Variants in FRMD6 observed in about 807,000 individuals in gnomAD.
FRMD6 encodes the protein FERM domain containing 6.
A neutral mutation model predicts 73.2 loss-of-function variants in FRMD6; 37 were observed. The ratio of observed to expected loss-of-function variants is 0.51; its 90% confidence interval spans 0.39 to 0.66. The LOEUF (loss-of-function observed/expected upper bound fraction) is 0.66, where lower values mean the gene tolerates loss of function less well. Among genes scored for constraint, FRMD6 ranks in the 30% least tolerant of loss-of-function variants. FRMD6 has a pLI of 0.00. For missense variants in FRMD6, 714 were observed against 780.5 expected, an observed-to-expected ratio of 0.91 and a Z score of 1.02; for synonymous variants, 273 against 282.2, an observed-to-expected ratio of 0.97 and a Z score of 0.33.
At chr14:51,427,544 A>C in the FRMD6 span, among the ~76,000 whole-genome samples, 3 of 152,216 alleles carry the variant, frequency 2.0e-5, no homozygotes, top group African/African-American at 7.2e-5. Context: ...TGTCATCCCC[A>C]TTTTACTTAT....
chr14:51,725,728 G>C, intron 12 of FRMD6, 51 bp from the exon 13 acceptor site: 1 of 1,262,732 alleles, frequency 7.9e-7, no homozygotes, highest in Non-Finnish European at 1.2e-6. Context: ...ATGGCAAGAG[G>C]TGTGAATAAT....
intron 1 of FRMD6, among the ~76,000 whole-genome samples, chr14:51,536,696 C>G (rs1001142600): frequency 3.9e-5 from 6 of 152,144 alleles, no homozygotes; most frequent in Admixed American, 3.9e-4. Context: ...GGATTACAGG[C>G]GTGAGCCACC....
the FRMD6 span, among the ~76,000 whole-genome samples, chr14:51,477,231 C>G: frequency 1.3e-5 from 2 of 152,126 alleles, no homozygotes; most frequent in Non-Finnish European, 2.9e-5. Flanking sequence ...AGGTTACTAA[C>G]AAGGAAATGA....
At chr14:51,722,231 C>A in intron 12 of FRMD6, 151 bp downstream of exon 12, 1 of 720,210 alleles carries the variant, frequency 1.4e-6, no homozygotes, top group Non-Finnish European at 2.2e-6. Flanking sequence ...TTGTAAACTG[C>A]AGGATCCTGT....
At position 51,570,037 on chromosome 14, in the gene FRMD6, G is replaced by T. The variant is rs567400902; in HGVS notation, c.-209-311G>T. Among the ~76,000 whole-genome samples the T allele has an allele frequency of 1.4e-4, 22 of 152,042 alleles. No homozygotes were observed. In the South Asian group the frequency reaches 2.1e-3, roughly 14 times the overall value. On this transcript the variant is annotated intron_variant, in intron 1 of 14. Coordinates refer to the FRMD6 transcript ENST00000356218. ...TCACCATGTTAGCCAGGATGGTCTC[G>T]ATCTCCTGACCTCGTGATCTGCCCA...
At chr14:51,420,740 T>G in the FRMD6 span, among the ~76,000 whole-genome samples, 1 of 152,206 alleles carries the variant, frequency 6.6e-6, no homozygotes, top group Non-Finnish European at 1.5e-5. Context: ...AAGGGTGATG[T>G]GTGTAGGTTA....
At chr14:51,447,631 C>T in the FRMD6 span, among the ~76,000 whole-genome samples, 9 of 152,294 alleles carry the variant, frequency 5.9e-5, no homozygotes, top group East Asian at 9.7e-4. Context: ...ATTGGCGTCT[C>T]GCCTACAGCC....
At chr14:51,418,856 T>A in the FRMD6 span, among the ~76,000 whole-genome samples, 1 of 152,228 alleles carries the variant, frequency 6.6e-6, no homozygotes, top group African/African-American at 2.4e-5. Context: ...CCATGGCCAC[T>A]TTGTTTACCT....
At chr14:51,646,849 C>T (rs553195190) in intron 2 of FRMD6, among the ~76,000 whole-genome samples, 1 of 151,898 alleles carries the variant, frequency 6.6e-6, no homozygotes, top group Non-Finnish European at 1.5e-5. Context: ...TAACCTAGCA[C>T]TGCCTTGCCG....
chr14:51,626,821 G>C (rs150301633), intron 2 of FRMD6, among the ~76,000 whole-genome samples: 195 of 152,244 alleles, frequency 1.3e-3, no homozygotes, highest in Middle Eastern at 0.01. Flanking sequence ...ACCTACTTCA[G>C]AGTCATTGTG....
At chr14:51,529,170 A>G (rs757701254) in intron 1 of FRMD6, among the ~76,000 whole-genome samples, 1 of 152,204 alleles carries the variant, frequency 6.6e-6, no homozygotes, top group Non-Finnish European at 1.5e-5. Flanking sequence ...GGAAGAAAAC[A>G]CTTTATAGTG....
At chr14:51,675,486 T>G (rs1234291213) in intron 1 of FRMD6, among the ~76,000 whole-genome samples, 2 of 152,170 alleles carry the variant, frequency 1.3e-5, no homozygotes, top group African/African-American at 4.8e-5. Context: ...GTTGTGAAAC[T>G]ATAATAAAGC....
the FRMD6 span, among the ~76,000 whole-genome samples, chr14:51,479,273 C>T: frequency 2.7e-4 from 41 of 152,322 alleles, no homozygotes; most frequent in African/African-American, 7.9e-4. Flanking sequence ...AACATTTATG[C>T]GCACATTGTA....
At chr14:51,576,853 C>T (rs989559332) in intron 2 of FRMD6, among the ~76,000 whole-genome samples, 1 of 152,212 alleles carries the variant, frequency 6.6e-6, no homozygotes, top group Non-Finnish European at 1.5e-5. Context: ...TTTCGTTTTT[C>T]ACTGGCCACA....
chr14:51,597,452 T>A lies in FRMD6; in HGVS notation c.-147+27042T>A, dbSNP rs575138895. Among the ~76,000 whole-genome samples, 36 of 152,242 alleles carry A rather than the reference T, an allele frequency of 2.4e-4. 1 individual carries two copies. The highest frequency in any genetic ancestry group is 1.3e-3 in the Admixed American group (20 of 15,278). On this transcript the variant is annotated intron_variant, in intron 2 of 14. Coordinates refer to the FRMD6 transcript ENST00000356218. ...TAGGGGAGGGACCAGATGTGGAGGCTTTCCAGGCAAAAGGAACAGGAGTGA... is the reference window on the plus strand; with the variant it reads ...TAGGGGAGGGACCAGATGTGGAGGCATTCCAGGCAAAAGGAACAGGAGTGA...
intron 1 of FRMD6, among the ~76,000 whole-genome samples, chr14:51,558,948 A>G (rs1395629801): frequency 1.3e-5 from 2 of 152,172 alleles, no homozygotes; most frequent in Non-Finnish European, 2.9e-5. Context: ...GAAACCCTAT[A>G]GCTTTGCTTT....
At chr14:51,724,731 G>GT (rs35156263) in intron 12 of FRMD6, among the ~76,000 whole-genome samples, 39,695 of 145,324 alleles carry the variant, frequency 0.27, 5,638 homozygotes, top group Non-Finnish European at 0.33. Flanking sequence ...AGGGTTTTTT[G>GT]TTTTTTTTTT....
At chr14:51,633,474 T>C (rs1891416646) in intron 2 of FRMD6, among the ~76,000 whole-genome samples, 1 of 151,204 alleles carries the variant, frequency 6.6e-6, no homozygotes, top group African/African-American at 2.4e-5. Flanking sequence ...TGGTGACTCA[T>C]GCCTGTGGTC....
chr14:51,639,938 A>T (rs942046190), intron 2 of FRMD6, among the ~76,000 whole-genome samples: 1 of 152,204 alleles, frequency 6.6e-6, no homozygotes, highest in Non-Finnish European at 1.5e-5. Context: ...GCCCTTCAGC[A>T]TATTTATGGA....
Sources: gnomAD v4.1 joint callset for allele counts (sites outside exome capture counted in the v4.1 genomes callset) on GRCh38, gnomAD v4.1.1 for gene constraint, MANE v1.5 for transcripts, NCBI Gene and HGNC (gene_info 2026-07-23, HGNC 2026-07-21) for gene names.